Variants in SCARA5 observed in about 807,000 individuals in gnomAD.
SCARA5 encodes the protein scavenger receptor class A, member 5 (putative).
SCARA5 carries 45 observed loss-of-function variants against 46.3 expected under a neutral mutation model. That is an observed-to-expected ratio of 0.97 (90% CI 0.76 to 1.24). The LOEUF (loss-of-function observed/expected upper bound fraction) is 1.24. Ranked by LOEUF, SCARA5 falls within the 50% of genes most tolerant of loss-of-function variation. SCARA5 has a pLI of 0.00. For synonymous variants in SCARA5, 333 were observed against 306.5 expected, an observed-to-expected ratio of 1.09 and a Z score of -0.90; for missense variants, 680 against 689.0, an observed-to-expected ratio of 0.99 and a Z score of 0.15.
intron 3 of SCARA5, among the ~76,000 whole-genome samples, chr8:27,949,927 A>C (rs116017634): frequency 0.013 from 1,920 of 152,348 alleles, 49 homozygotes; most frequent in African/African-American, 0.043. Flanking sequence ...GAGCTGGACT[A>C]AGCTGGCCTT....
intron 2 of SCARA5, among the ~76,000 whole-genome samples, chr8:27,980,822 G>C (rs907000012): frequency 1.3e-5 from 2 of 152,214 alleles, no homozygotes; most frequent in Non-Finnish European, 2.9e-5. Context: ...AAAGGAACTT[G>C]CTCAATTTCC....
In SCARA5 at chr8:27,870,282, T is replaced by C. The variant is rs1806616101; in HGVS notation, c.*1652A>G. ...ATGTGCTGAGCTATGTAGTAAAAAG[T>C]GCTATGTTTATATATGCATACATAT... On this transcript the variant is annotated 3_prime_UTR_variant, in exon 9 of 9. Coordinates refer to ENST00000354914, the MANE Select transcript of SCARA5 (RefSeq NM_173833.6). 6.6e-6 allele frequency: 1 copy of C among 151,724 alleles called. No individual in the cohort carries two copies. The allele number at this position is 151,724 out of a possible 1,614,324, so 9.4% of individuals were successfully genotyped here.
chr8:27,904,352 C>G (rs1288138152), intron 7 of SCARA5: 4 of 264,994 alleles, frequency 1.5e-5, no homozygotes, highest in Admixed American at 4.8e-5. Flanking sequence ...GAATAATAAT[C>G]ACAAACAGGT....
At chr8:27,948,996 C>T (rs948489542) in intron 3 of SCARA5, among the ~76,000 whole-genome samples, 1 of 152,266 alleles carries the variant, frequency 6.6e-6, no homozygotes, top group Non-Finnish European at 1.5e-5. Context: ...GCGGGTGGAG[C>T]CCACAATTGG....
chr8:27,971,547 G>A (rs991922193), intron 2 of SCARA5, among the ~76,000 whole-genome samples: 4 of 152,302 alleles, frequency 2.6e-5, no homozygotes, highest in Admixed American at 2.6e-4. Flanking sequence ...CAGAGCGCTG[G>A]AGAAAATGGT....
intron 7 of SCARA5, among the ~76,000 whole-genome samples, chr8:27,891,506 C>T (rs933016079): frequency 1.3e-5 from 2 of 152,100 alleles, no homozygotes; most frequent in Non-Finnish European, 2.9e-5. Flanking sequence ...GCCCAGCCTA[C>T]TAATATAGTT....
chr8:27,900,789 G>GTT (rs1160056178), intron 7 of SCARA5, among the ~76,000 whole-genome samples: 5,960 of 127,128 alleles, frequency 0.047, 206 homozygotes, highest in East Asian at 0.11. Flanking sequence ...TACGTAGCGG[G>GTT]TTTTTTTTTT....
Position 27,983,739 on chromosome 8 carries a change from A to G in SCARA5, c.112+3765T>C, listed in dbSNP as rs138593130. Reference sequence around the variant, plus strand: ...AGCACATGGGCCATGAGAGTGGGGCAGCTCATCACACCCAGCAGGAACACT... The same window carrying G: ...AGCACATGGGCCATGAGAGTGGGGCGGCTCATCACACCCAGCAGGAACACT... On this transcript the variant is annotated intron_variant, in intron 2 of 8. Coordinates refer to ENST00000354914, the MANE Select transcript of SCARA5 (RefSeq NM_173833.6). 5.9e-3 allele frequency among the ~76,000 whole-genome samples: 900 copies of G among 152,314 alleles called. 12 individuals carry two copies. Among genetic ancestry groups the G allele is most frequent in the African/African-American group, 0.02 (838 of 41,564 alleles).
intron 2 of SCARA5, among the ~76,000 whole-genome samples, chr8:27,970,678 AC>A (rs1808434812): frequency 6.6e-6 from 1 of 152,140 alleles, no homozygotes; most frequent in South Asian, 2.1e-4. Context: ...AATAAAAGTT[AC>A]TAACACCACC....
chr8:27,988,487 G>T (rs1170919474), intron 1 of SCARA5, among the ~76,000 whole-genome samples: 1 of 152,226 alleles, frequency 6.6e-6, no homozygotes, highest in Non-Finnish European at 1.5e-5. Context: ...CGCGTAAGGT[G>T]CGTGTGGATG....
chr8:27,956,271 C>T (rs1341962413), intron 3 of SCARA5, among the ~76,000 whole-genome samples: 1 of 152,110 alleles, frequency 6.6e-6, no homozygotes, highest in Non-Finnish European at 1.5e-5. Context: ...ATGTAACAAA[C>T]CTGTACATAC....
At chr8:27,878,549 T>C (rs903078746) in intron 8 of SCARA5, among the ~76,000 whole-genome samples, 27 of 152,260 alleles carry the variant, frequency 1.8e-4, no homozygotes, top group African/African-American at 6.0e-4. Flanking sequence ...TGTGCTTCAG[T>C]GTGTCAAAAG....
chr8:27,877,446 G>T (rs1024643857), intron 8 of SCARA5, among the ~76,000 whole-genome samples: 4 of 152,182 alleles, frequency 2.6e-5, no homozygotes, highest in African/African-American at 9.7e-5. Flanking sequence ...CTACAGGATC[G>T]CTGGCCTGGC....
chr8:27,946,702 G>A (rs765209620), intron 3 of SCARA5, among the ~76,000 whole-genome samples: 5 of 152,160 alleles, frequency 3.3e-5, no homozygotes, highest in Non-Finnish European at 5.9e-5. Context: ...GTGGATTATG[G>A]GTCATTGTAG....
intron 4 of SCARA5, among the ~76,000 whole-genome samples, chr8:27,921,082 A>G (rs1807576054): frequency 6.6e-6 from 1 of 152,260 alleles, no homozygotes; most frequent in Non-Finnish European, 1.5e-5. Context: ...TTTTGCCTAA[A>G]TGAGTAAGTC....
intron 2 of SCARA5, among the ~76,000 whole-genome samples, chr8:27,967,676 G>T (rs978859179): frequency 1.3e-5 from 2 of 152,338 alleles, no homozygotes; most frequent in Admixed American, 6.5e-5. Context: ...ACTGTGGGAG[G>T]CCAAGGTGGG....
intron 3 of SCARA5, among the ~76,000 whole-genome samples, chr8:27,941,053 C>T (rs1807937271): frequency 6.6e-6 from 1 of 151,628 alleles, no homozygotes; most frequent in African/African-American, 2.4e-5. Flanking sequence ...AGAGTCTTTT[C>T]TACAAAAGAG....
chr8:27,930,380 T>C (rs1368856924), intron 3 of SCARA5, among the ~76,000 whole-genome samples: 1 of 152,088 alleles, frequency 6.6e-6, no homozygotes, highest in Non-Finnish European at 1.5e-5. Flanking sequence ...TCCCCAGCCA[T>C]GTGGAACTGT....
At chr8:27,899,994 T>C (rs969560633) in intron 7 of SCARA5, among the ~76,000 whole-genome samples, 8 of 151,962 alleles carry the variant, frequency 5.3e-5, no homozygotes, top group Admixed American at 4.6e-4. Flanking sequence ...ACAAATTAGC[T>C]GGGCATGATG....
Sources: gnomAD v4.1 joint callset for allele counts (sites outside exome capture counted in the v4.1 genomes callset) on GRCh38, gnomAD v4.1.1 for gene constraint, MANE v1.5 for transcripts, NCBI Gene and HGNC (gene_info 2026-07-23, HGNC 2026-07-21) for gene names.